MRPS11: variants seen among roughly 807,000 people sequenced by gnomAD.
MRPS11 encodes the protein mitochondrial ribosomal protein S11.
A neutral mutation model predicts 24.3 loss-of-function variants in MRPS11; 27 were observed. That is an observed-to-expected ratio of 1.11 (90% confidence interval 0.82 to 1.53). MRPS11 has a LOEUF of 1.53. Ranked by LOEUF, MRPS11 falls within the 40% of genes most tolerant of loss-of-function variation. The pLI, the probability that MRPS11 is intolerant of heterozygous loss-of-function variation, is 0.00. For synonymous variants in MRPS11, 104 were observed against 98.7 expected, an observed-to-expected ratio of 1.05 and a Z score of -0.32; for missense variants, 277 against 256.5, an observed-to-expected ratio of 1.08 and a Z score of -0.55.
chr15:88,477,091 T>G lies in MRPS11; in HGVS notation c.477+37T>G. On this transcript the variant is annotated intron_variant, in intron 5 of 5. Transcript: ENST00000325844. This position sits in a 1 kb window ranked among gnomAD's most constrained non-coding sequence, Gnocchi z 5.7. ...TGATTTCCATAGTGTACTTGCCTCCTAGTAAGTGTGAGAATTTGGGGCTTG... is the reference window on the plus strand; with the variant it reads ...TGATTTCCATAGTGTACTTGCCTCCGAGTAAGTGTGAGAATTTGGGGCTTG... 1 of 1,599,586 alleles carries G rather than the reference T, an allele frequency of 6.3e-7. No individual in the cohort carries two copies. Among genetic ancestry groups the G allele is most frequent in the Non-Finnish European group, 8.6e-7 (1 of 1,168,474 alleles).
chr15:88,470,544 A>G (rs904806894), intron 2 of MRPS11, among the ~76,000 whole-genome samples: 4 of 152,250 alleles, frequency 2.6e-5, no homozygotes, highest in African/African-American at 9.6e-5. Context: ...AGGAACTTCC[A>G]GAGAGGTAAT....
intron 2 of MRPS11, among the ~76,000 whole-genome samples, chr15:88,470,143 C>T (rs1224106302): frequency 1.3e-5 from 2 of 152,042 alleles, no homozygotes; most frequent in East Asian, 3.9e-4. Context: ...GGTGAAACCC[C>T]GTCTCTACTA....
chr15:88,473,431 A>G (rs1291050536), intron 3 of MRPS11, among the ~76,000 whole-genome samples: 1 of 152,260 alleles, frequency 6.6e-6, no homozygotes. Flanking sequence ...ACAAGAGACT[A>G]CAGTCATGGG....
rs966842187 is a variant in MRPS11 at position 88,477,162 on chromosome 15, C to T, written c.477+108C>T. The T allele has an allele frequency of 9.4e-5, 97 of 1,027,632 alleles. No homozygotes were observed. The African/African-American group carries it at 1.3e-3, about 14-fold the overall frequency. 63.7% of individuals were successfully genotyped at this position (1,027,632 alleles called of 1,614,324 possible). A position where few individuals can be genotyped will look rare whatever the true frequency, so the allele number is the denominator to read the frequency against. On this transcript the variant is annotated intron_variant, in intron 5 of 5. Coordinates refer to ENST00000325844, the MANE Select transcript of MRPS11 (RefSeq NM_022839.5). The surrounding 1 kb of genome is among the most constrained non-coding windows in gnomAD (Gnocchi z 5.7). ...TAGAAAACACCTTTTAGTGGATTTC[C>T]ATGTTTGCTTGAAGTTCCCGTCTGT...
At chr15:88,471,259 T>C (rs1032259291) in intron 2 of MRPS11, among the ~76,000 whole-genome samples, 11 of 152,240 alleles carry the variant, frequency 7.2e-5, no homozygotes, top group African/African-American at 2.7e-4. Flanking sequence ...TTCTAATCAC[T>C]TCTAAGGTCA....
intron 2 of MRPS11, chr15:88,468,235 A>G: frequency 1.4e-6 from 2 of 1,402,084 alleles, no homozygotes; most frequent in South Asian, 3.2e-5. Flanking sequence ...GTACAGAGTA[A>G]ATGTTCAGTG....
At chr15:88,471,751 A>G (rs1226814520) in intron 2 of MRPS11, among the ~76,000 whole-genome samples, 2 of 152,264 alleles carry the variant, frequency 1.3e-5, no homozygotes, top group African/African-American at 2.4e-5. Context: ...TTAGCTAGAA[A>G]TAGCCAGAAG....
intron 2 of MRPS11, chr15:88,468,403 A>G (rs2142204654): frequency 9.1e-7 from 1 of 1,096,404 alleles, no homozygotes; most frequent in African/African-American, 1.6e-5. Flanking sequence ...ATGTTCCTGC[A>G]CGTCTTACGG....
At chr15:88,474,486 G>A (rs1056527064) in intron 3 of MRPS11, among the ~76,000 whole-genome samples, 2 of 150,932 alleles carry the variant, frequency 1.3e-5, no homozygotes, top group African/African-American at 2.5e-5. Flanking sequence ...TTGAACCCGG[G>A]AGGCGGAGGT....
chr15:88,478,164 G>C lies in MRPS11; in HGVS notation c.*185G>C, dbSNP rs1567047338. The C allele has an allele frequency of 5.0e-6, 3 of 601,956 alleles. No individual in the cohort carries two copies. In the East Asian group the frequency reaches 8.3e-5, roughly 17 times the overall value. The allele number at this position is 601,956 out of a possible 1,614,324, so 37.3% of individuals were successfully genotyped here. A position where few individuals can be genotyped will look rare whatever the true frequency, so the allele number is the denominator to read the frequency against. ...TCCAGCTGGAGATGGGTGTGCCCCA[G>C]AAGTAAGCTTTGCATCTCTTACAAG... On this transcript the variant is annotated 3_prime_UTR_variant, in exon 6 of 6. Coordinates refer to ENST00000325844, the MANE Select transcript of MRPS11 (RefSeq NM_022839.5). The surrounding 1 kb of genome is among the most constrained non-coding windows in gnomAD (Gnocchi z 4.7).
chr15:88,470,536 G>T (rs2055673475), intron 2 of MRPS11, among the ~76,000 whole-genome samples: 1 of 152,200 alleles, frequency 6.6e-6, no homozygotes, highest in African/African-American at 2.4e-5. Flanking sequence ...AAGAGACAAG[G>T]AACTTCCAGA....
chr15:88,471,796 G>A (rs142231976), intron 2 of MRPS11, among the ~76,000 whole-genome samples: 4 of 152,312 alleles, frequency 2.6e-5, no homozygotes, highest in Non-Finnish European at 4.4e-5. Flanking sequence ...GATCTTGAAC[G>A]CAACACAATG....
rs1368929570 is a variant in MRPS11 at position 88,477,244 on chromosome 15, A to G, written c.477+190A>G. Among the ~76,000 whole-genome samples the G allele has an allele frequency of 6.6e-6, 1 of 152,222 alleles. No individual in the cohort carries two copies. The highest frequency in any genetic ancestry group is 2.4e-5 in the African/African-American group (1 of 41,452). On this transcript the variant is annotated intron_variant, in intron 5 of 5. Coordinates refer to ENST00000325844, the MANE Select transcript of MRPS11 (RefSeq NM_022839.5). The surrounding 1 kb of genome is among the most constrained non-coding windows in gnomAD (Gnocchi z 5.7). ...AAGCCTAGATCACTTAGTATAATTC[A>G]TCAGACACTGAGTGCCTGCTGCGTG...
In MRPS11 at chr15:88,477,325, T is replaced by G. The variant is rs568980518; in HGVS notation, c.477+271T>G. The stretch of plus-strand genomic sequence containing the variant: ...GGGGGAACTGTCACAAACAAATCCC[T>G]TAGGACAGACTGGTGAGCGCTGTGG... On this transcript the variant is annotated intron_variant, in intron 5 of 5. Transcript: ENST00000325844. The surrounding 1 kb of genome is among the most constrained non-coding windows in gnomAD (Gnocchi z 5.7). 5.9e-5 allele frequency among the ~76,000 whole-genome samples: 9 copies of G among 152,322 alleles called. No homozygotes were observed. The highest frequency in any genetic ancestry group is 1.0e-4 in the Non-Finnish European group (7 of 68,010).
In MRPS11 at chr15:88,478,043, G is replaced by C. The variant is rs183552442; in HGVS notation, c.*64G>C. 30 of 1,335,298 alleles carry C rather than the reference G, an allele frequency of 2.2e-5. No individual in the cohort carries two copies. Among genetic ancestry groups the C allele is most frequent in the Non-Finnish European group, 3.2e-5 (30 of 928,388 alleles). The allele number at this position is 1,335,298 out of a possible 1,614,324, so 82.7% of individuals were successfully genotyped here. ...CAGCTCCAGTGGGACCTTGTAAAAT[G>C]CTCCCTGTCAGAGCTCTCCAGAATA... On this transcript the variant is annotated 3_prime_UTR_variant, in exon 6 of 6. Transcript: ENST00000325844. The surrounding 1 kb of genome is among the most constrained non-coding windows in gnomAD (Gnocchi z 4.7).
At chr15:88,468,580 T>C in intron 2 of MRPS11, 1 of 893,406 alleles carries the variant, frequency 1.1e-6, no homozygotes, top group Non-Finnish European at 1.3e-6. Context: ...GTGCCGTGAA[T>C]ACAGATACAA....
At chr15:88,470,474 C>A (rs2055671459) in intron 2 of MRPS11, among the ~76,000 whole-genome samples, 1 of 152,106 alleles carries the variant, frequency 6.6e-6, no homozygotes, top group South Asian at 2.1e-4. Context: ...AAGGACTGAA[C>A]CCTGGGGCGC....
chr15:88,467,804 G>A (rs1470239884), intron 1 of MRPS11, 22 bp downstream of exon 1: 1 of 1,613,844 alleles, frequency 6.2e-7, no homozygotes, highest in African/African-American at 1.3e-5. Context: ...CTGCCCCCTC[G>A]AGCCCACCGC....
At chr15:88,473,664 T>C (rs1260058165) in intron 3 of MRPS11, among the ~76,000 whole-genome samples, 1 of 152,060 alleles carries the variant, frequency 6.6e-6, no homozygotes. Context: ...CTAGAAGCTC[T>C]GGTAGGGGGA....
Sources: gnomAD v4.1 joint callset for allele counts (sites outside exome capture counted in the v4.1 genomes callset) on GRCh38, gnomAD v4.1.1 for gene constraint, Gnocchi (gnomAD v3.1) non-coding constraint, MANE v1.5 for transcripts, NCBI Gene and HGNC (gene_info 2026-07-23, HGNC 2026-07-21) for gene names.